PHACTR2: variants seen among roughly 807,000 people sequenced by gnomAD.
PHACTR2 encodes chromosome 6 open reading frame 56.
Under a neutral mutation model 76.0 loss-of-function variants are expected in PHACTR2, and 30 were observed. The ratio of observed to expected loss-of-function variants is 0.39; its 90% CI spans 0.30 to 0.54. PHACTR2 has a LOEUF of 0.54. Ranked by LOEUF, PHACTR2 falls within the 20% of genes least tolerant of loss-of-function variation. The pLI is 0.61. For synonymous variants in PHACTR2, 292 were observed against 292.5 expected (o/e 1.00, Z 0.02); for missense variants, 696 against 781.1 (o/e 0.89, Z 1.30).
rs1775225070 is a variant in PHACTR2, at chr6:143,774,335, T to C, written c.1589+120T>C. 2 of 679,162 alleles carry C rather than the reference T, an allele frequency of 2.9e-6. No homozygotes were observed. The highest frequency in any genetic ancestry group is 6.1e-5 in the East Asian group (2 of 32,752). The allele number at this position is 679,162 out of a possible 1,614,324, so 42.1% of individuals were successfully genotyped here. A position where few individuals can be genotyped will look rare whatever the true frequency, so the allele number is the denominator to read the frequency against. On this transcript the variant is annotated intron_variant, in intron 8 of 12. Transcript: ENST00000440869. This position sits in a 1 kb window ranked among gnomAD's most constrained non-coding sequence, Gnocchi z 5.4. ...GTACAGATACATCTGGCCTACTGGGTCTTTTAAAGTTGGTCTTGCATGATG... is the reference window on the plus strand; with the variant it reads ...GTACAGATACATCTGGCCTACTGGGCCTTTTAAAGTTGGTCTTGCATGATG...
chr6:143,808,852 G>A (rs1333625038), intron 12 of PHACTR2, among the ~76,000 whole-genome samples: 1 of 152,140 alleles, frequency 6.6e-6, no homozygotes, highest in Non-Finnish European at 1.5e-5. Context: ...TATCAAGCCA[G>A]ACATTTTTGT....
chr6:143,680,204 A>G lies in PHACTR2; in HGVS notation c.46+1995A>G, dbSNP rs1777358816. On this transcript the variant is annotated intron_variant, in intron 1 of 12. Coordinates refer to ENST00000440869, the MANE Select transcript of PHACTR2 (RefSeq NM_001100164.2). This position sits in a 1 kb window ranked among gnomAD's most constrained non-coding sequence, Gnocchi z 4.5. ...TGCTGAGTTTTATATTCATGTCTGT[A>G]TTTTTCTGAGTCTGAGACTGTCAAA... Among the ~76,000 whole-genome samples, 1 of 151,794 alleles carries G rather than the reference A, an allele frequency of 6.6e-6. No homozygotes were observed. Among genetic ancestry groups the G allele is most frequent in the Non-Finnish European group, 1.5e-5 (1 of 67,938 alleles).
At chr6:143,720,300 T>C (rs563985476) in intron 2 of PHACTR2, among the ~76,000 whole-genome samples, 11 of 152,016 alleles carry the variant, frequency 7.2e-5, no homozygotes, top group Admixed American at 4.6e-4. Flanking sequence ...AAGCAGAAAA[T>C]AAACCCAAAT....
At chr6:143,720,084 T>A (rs1453698149) in intron 2 of PHACTR2, among the ~76,000 whole-genome samples, 1 of 152,112 alleles carries the variant, frequency 6.6e-6, no homozygotes, top group Non-Finnish European at 1.5e-5. Context: ...AGTCCTGGGA[T>A]TATAAGTGTG....
At position 143,589,756 on chromosome 6, in the gene PHACTR2, G is replaced by C. The variant is rs1335690228; in HGVS notation, c.217+52549G>C. Among the ~76,000 whole-genome samples, 1 of 152,088 alleles carries C rather than the reference G, an allele frequency of 6.6e-6. No individual in the cohort carries two copies. Among genetic ancestry groups the C allele is most frequent in the Non-Finnish European group, 1.5e-5 (1 of 68,018 alleles). On this transcript the variant is annotated intron_variant, in intron 1 of 11. Transcript: ENST00000367584. The surrounding 1 kb of genome is among the most constrained non-coding windows in gnomAD (Gnocchi z 4.4). ...CACATTTCAAGGTCCTGGAAGCCAG[G>C]GCTTCAACATATAAATTTAGGGGAG...
rs59017997 is a variant in PHACTR2, at chr6:143,564,196, C to CATATATATATAT, written c.217+27018_217+27029dup. On this transcript the variant is annotated intron_variant, in intron 1 of 11. Coordinates refer to the PHACTR2 transcript ENST00000367584. ...ATGTGTGTGTGTATGTGTGTGTGTG[C>CATATATATATAT]ATATATATATATATATATATATATA... Among the ~76,000 whole-genome samples, 101 of 40,254 alleles carry CATATATATATAT rather than the reference C, an allele frequency of 2.5e-3. 2 individuals carry two copies. The highest frequency in any genetic ancestry group is 5.3e-3 in the South Asian group (6 of 1,134). The allele number at this position is 40,254 out of a possible 152,430, so 26.4% of individuals were successfully genotyped here.
rs2128476408 is a variant in PHACTR2 at position 143,776,689 on chromosome 6, C to G, written c.1590-639C>G. Among the ~76,000 whole-genome samples the G allele has an allele frequency of 6.6e-6, 1 of 152,230 alleles. No homozygotes were observed. Among genetic ancestry groups the G allele is most frequent in the East Asian group, 1.9e-4 (1 of 5,170 alleles). ...TCTCTGCTACAGCTTAGCTTATAGT[C>G]TAATTAATATATAGCTCATTAGGGT... On this transcript the variant is annotated intron_variant, in intron 8 of 12. Coordinates refer to ENST00000440869, the MANE Select transcript of PHACTR2 (RefSeq NM_001100164.2). The surrounding 1 kb of genome is among the most constrained non-coding windows in gnomAD (Gnocchi z 5.3).
rs1375453410 is a variant in PHACTR2 at position 143,602,056 on chromosome 6, T to C, written c.217+64849T>C. ...TAGGAACATTCCAATTCCACTCTTT[T>C]AGTTATTTTGAAATATAAAATACGA... On this transcript the variant is annotated intron_variant, in intron 1 of 11. Coordinates refer to the PHACTR2 transcript ENST00000367584. This position sits in a 1 kb window ranked among gnomAD's most constrained non-coding sequence, Gnocchi z 6.1. 1.3e-5 allele frequency among the ~76,000 whole-genome samples: 2 copies of C among 152,248 alleles called. No individual in the cohort carries two copies. The highest frequency in any genetic ancestry group is 1.3e-4 in the Admixed American group (2 of 15,284).
At chr6:143,667,030 A>G (rs1167456432) in intron 1 of PHACTR2, among the ~76,000 whole-genome samples, 1 of 152,098 alleles carries the variant, frequency 6.6e-6, no homozygotes, top group Non-Finnish European at 1.5e-5. Flanking sequence ...TTAAGTCTTT[A>G]ATCCATCTTG....
intron 1 of PHACTR2, among the ~76,000 whole-genome samples, chr6:143,660,244 C>CA (rs11330374): frequency 0.048 from 5,591 of 115,802 alleles, 315 homozygotes; most frequent in African/African-American, 0.16. Context: ...GAGCAATTTA[C>CA]AAAAAAAAAA....
rs1379027591 is a variant in PHACTR2 at position 143,546,149 on chromosome 6, T to C, written c.217+8942T>C. Among the ~76,000 whole-genome samples the C allele has an allele frequency of 6.6e-6, 1 of 152,230 alleles. No homozygotes were observed. Among genetic ancestry groups the C allele is most frequent in the Non-Finnish European group, 1.5e-5 (1 of 68,044 alleles). On this transcript the variant is annotated intron_variant, in intron 1 of 11. Transcript: ENST00000367584. This position sits in a 1 kb window ranked among gnomAD's most constrained non-coding sequence, Gnocchi z 4.9. ...AAATACCATGCTGAGTGACTCATTA[T>C]CTTTGATCACACTTGCTGAAATTTG...
In PHACTR2 at chr6:143,765,642, C is replaced by T. The variant is rs761913315; in HGVS notation, c.1076C>T (p.Thr359Ile). 3 of 1,614,086 alleles carry T rather than the reference C, an allele frequency of 1.9e-6. No homozygotes were observed. The highest frequency in any genetic ancestry group is 2.5e-6 in the Non-Finnish European group (3 of 1,180,042). Residue 359 changes from threonine (T) to isoleucine (I), a missense_variant, in exon 6 of 13, where the codon ACT becomes ATT. Coordinates refer to ENST00000440869, the MANE Select transcript of PHACTR2 (RefSeq NM_001100164.2). The surrounding 1 kb of genome is among the most constrained non-coding windows in gnomAD (Gnocchi z 4.1). ...PPLPLEDQCI[T>I]ASDTPVVLVS... ...CTCCCTCTTGAGGATCAGTGCATTACTGCCTCAGACACTCCAGTTGTCCTC... is the reference window on the plus strand; with the variant it reads ...CTCCCTCTTGAGGATCAGTGCATTATTGCCTCAGACACTCCAGTTGTCCTC...
At chr6:143,613,918 T>TAAC (rs1776020647) in intron 1 of PHACTR2, among the ~76,000 whole-genome samples, 1 of 152,178 alleles carries the variant, frequency 6.6e-6, no homozygotes, top group South Asian at 2.1e-4. Context: ...ACAGGTTTCT[T>TAAC]AGCATGTTAA....
chr6:143,646,458 T>C lies in PHACTR2; in HGVS notation c.13+38136T>C, dbSNP rs539825545. 6.6e-6 allele frequency among the ~76,000 whole-genome samples: 1 copy of C among 152,330 alleles called. No homozygotes were observed. The highest frequency in any genetic ancestry group is 2.1e-4 in the South Asian group (1 of 4,834). On this transcript the variant is annotated intron_variant, in intron 1 of 11. Transcript: ENST00000305766. This position sits in a 1 kb window ranked among gnomAD's most constrained non-coding sequence, Gnocchi z 4.1. ...CCTGTAAAATCTAATTGACTTTATT[T>C]GGCAGACACAGGCAAACACATACAT...
intron 1 of PHACTR2, among the ~76,000 whole-genome samples, chr6:143,601,889 A>T (rs1426215487): frequency 2.6e-5 from 4 of 152,284 alleles, no homozygotes; most frequent in South Asian, 2.1e-4. Flanking sequence ...TTTAATTTTT[A>T]AAAAATTTTT....
At chr6:143,626,486 G>A (rs1055591390) in intron 1 of PHACTR2, among the ~76,000 whole-genome samples, 1 of 145,766 alleles carries the variant, frequency 6.9e-6, no homozygotes, top group East Asian at 2.0e-4. Context: ...GCAGTGAGCC[G>A]AGATTGCGCC....
intron 11 of PHACTR2, among the ~76,000 whole-genome samples, chr6:143,805,404 G>C (rs1562314199): frequency 6.6e-6 from 1 of 150,960 alleles, no homozygotes; most frequent in African/African-American, 2.4e-5. Context: ...ACTTGAACCT[G>C]GGAGGCGGAG....
rs529360080 is a variant in PHACTR2 at position 143,641,418 on chromosome 6, G to T, written c.13+33096G>T. ...GATTCTCCTCCAGTGCCTTGAGAAC[G>T]AGCACTGCCCTGCCAATTCCTGACT... On this transcript the variant is annotated intron_variant, in intron 1 of 11. Transcript: ENST00000305766. The surrounding 1 kb of genome is among the most constrained non-coding windows in gnomAD (Gnocchi z 5.8). Among the ~76,000 whole-genome samples the T allele has an allele frequency of 5.3e-5, 8 of 152,278 alleles. No homozygotes were observed. In the South Asian group the frequency reaches 1.7e-3, roughly 32 times the overall value.
At position 143,712,031 on chromosome 6, in the gene PHACTR2, A is replaced by T. The variant is rs1265956994; in HGVS notation, c.62A>T (p.Lys21Ile). Reference sequence around the variant, plus strand: ...CTTTATACAGTTGACGGACTGGACAAAGCTTCTATAGCAAACTCAGATGGC... The same window carrying T: ...CTTTATACAGTTGACGGACTGGACATAGCTTCTATAGCAAACTCAGATGGC... ...PQPGSVDGLD[K>I]ASIANSDGPT... Residue 21 changes from lysine (K) to isoleucine (I), a missense_variant, in exon 2 of 13, where the codon AAA becomes ATA. Lys to Ile is a moderately radical substitution (Grantham distance 102). This residue lies in a region of PHACTR2 where 460 missense variants were observed against 450.9 expected (regional missense o/e 1.02). Transcript: ENST00000440869. 8.2e-6 allele frequency: 13 copies of T among 1,591,426 alleles called. No homozygotes were observed. In the Admixed American group the frequency reaches 2.2e-4, roughly 26 times the overall value.
Sources: allele counts gnomAD v4.1 joint callset (sites outside exome capture counted in the v4.1 genomes callset), GRCh38; gene constraint gnomAD v4.1.1; regional missense constraint gnomAD v4.1.1; non-coding constraint Gnocchi (gnomAD v3.1); transcripts MANE v1.5; gene names NCBI Gene and HGNC (gene_info 2026-07-23, HGNC 2026-07-21).